Variants in RMDN2 observed in about 807,000 individuals in gnomAD.
The protein encoded by RMDN2 is regulator of microtubule dynamics 2.
RMDN2 carries 61 observed loss-of-function variants against 52.8 expected under a neutral mutation model. The observed-to-expected ratio is 1.16, with a 90% CI of 0.94 to 1.43. RMDN2 has a LOEUF of 1.43. Ranked by LOEUF, RMDN2 falls within the 40% of genes most tolerant of loss-of-function variation. The pLI, the probability that RMDN2 is intolerant of heterozygous loss-of-function variation, is 0.00. For synonymous variants in RMDN2, 180 were observed against 153.1 expected (o/e 1.18, Z -1.30); for missense variants, 592 against 475.3 (o/e 1.25, Z -2.28).
At chr2:38,009,378 GTC>G (rs1558546573) in intron 10 of RMDN2, among the ~76,000 whole-genome samples, 1 of 152,134 alleles carries the variant, frequency 6.6e-6, no homozygotes, top group Admixed American at 6.5e-5. Flanking sequence ...TTTTCACATA[GTC>G]CCACATTTCT....
rs149870475 is a variant in RMDN2 at position 38,024,167 on chromosome 2, A to G, written c.1713+19951A>G. Among the ~76,000 whole-genome samples the G allele has an allele frequency of 6.9e-3, 1,055 of 152,250 alleles. 8 individuals are homozygous for G. The highest frequency in any genetic ancestry group is 0.024 in the African/African-American group (1,001 of 41,552). The stretch of plus-strand genomic sequence containing the variant: ...GTATTTTATAACAGAAATATACCAT[A>G]GTTTGCTTCTCCACTCATCTATTGA... On this transcript the variant is annotated intron_variant, in intron 10 of 10. Coordinates refer to the RMDN2 transcript ENST00000234195.
intron 10 of RMDN2, among the ~76,000 whole-genome samples, chr2:38,013,786 C>G (rs1678337827): frequency 6.6e-6 from 1 of 152,174 alleles, no homozygotes; most frequent in Non-Finnish European, 1.5e-5. Flanking sequence ...TGTCAAAATC[C>G]TGTAATGTTG....
intron 2 of RMDN2, among the ~76,000 whole-genome samples, chr2:37,960,396 T>C (rs1353664225): frequency 1.3e-5 from 2 of 152,190 alleles, no homozygotes; most frequent in Non-Finnish European, 2.9e-5. Flanking sequence ...CTTACCATTA[T>C]GTAATTACCT....
At chr2:37,931,681 A>G (rs1034779311) in intron 2 of RMDN2, among the ~76,000 whole-genome samples, 3 of 152,262 alleles carry the variant, frequency 2.0e-5, no homozygotes, top group African/African-American at 7.2e-5. Flanking sequence ...TAAAAAGAAG[A>G]TAATTATGGG....
chr2:37,976,182 T>C (rs1374812071), intron 4 of RMDN2: 2 of 152,244 alleles, frequency 1.3e-5, no homozygotes, highest in Non-Finnish European at 2.9e-5. Flanking sequence ...TGGTTCATTA[T>C]TCTGACATCT....
chr2:38,004,159 C>T lies in RMDN2; in HGVS notation c.1122C>T (p.Asn374=), dbSNP rs756493731. Residue 374 remains asparagine (N), a synonymous_variant, in exon 10 of 11, where the codon AAC becomes AAT. Transcript: ENST00000354545. ...LAKCYTDLEE[N]QNALKFCNLA... ...AGTGTTATACTGATCTTGAGGAAAA[C>T]CAGAATGCTTTGAAGTTCTGTAATT... 1.9e-6 allele frequency: 3 copies of T among 1,613,742 alleles called. No individual in the cohort carries two copies. In the East Asian group the frequency reaches 6.7e-5, roughly 36 times the overall value.
chr2:37,955,598 G>C (rs566517681), intron 2 of RMDN2, among the ~76,000 whole-genome samples: 3 of 152,028 alleles, frequency 2.0e-5, no homozygotes, highest in East Asian at 3.9e-4. Flanking sequence ...CATGGGGGCC[G>C]ATCTTTCCTG....
rs1572981317 is a variant in RMDN2, at chr2:37,992,939, A to G, written c.945+1642A>G. ...TTTTTTTCTTTTCTTTTCTTTGACC[A>G]AGTCTCGCTCTGGCACCCAGGCTGG... On this transcript the variant is annotated intron_variant, in intron 7 of 10. Transcript: ENST00000354545. Among the ~76,000 whole-genome samples, 2 of 151,824 alleles carry G rather than the reference A, an allele frequency of 1.3e-5. 1 individual carries two copies. Among genetic ancestry groups the G allele is most frequent in the South Asian group, 4.2e-4 (2 of 4,814 alleles).
chr2:37,947,023 A>T (rs1028372966), intron 2 of RMDN2, among the ~76,000 whole-genome samples: 4 of 152,238 alleles, frequency 2.6e-5, no homozygotes, highest in South Asian at 2.1e-4. Context: ...ACTGCTGTCT[A>T]GTGAATTTAT....
chr2:38,061,748 G>A (rs1309915698), intron 10 of RMDN2, among the ~76,000 whole-genome samples: 1 of 152,094 alleles, frequency 6.6e-6, no homozygotes, highest in South Asian at 2.1e-4. Context: ...CAGGGCCTGG[G>A]TGCCTTGTTC....
At chr2:37,981,018 A>G (rs1347795674) in intron 4 of RMDN2, among the ~76,000 whole-genome samples, 1 of 152,202 alleles carries the variant, frequency 6.6e-6, no homozygotes, top group Non-Finnish European at 1.5e-5. Flanking sequence ...GCACTTGGTT[A>G]AGTTGCTTAG....
At chr2:38,048,296 C>G (rs971579443) in intron 10 of RMDN2, among the ~76,000 whole-genome samples, 39 of 152,208 alleles carry the variant, frequency 2.6e-4, no homozygotes, top group African/African-American at 8.9e-4. Flanking sequence ...TGTGCTAAAA[C>G]ATAAATCAAT....
intron 10 of RMDN2, among the ~76,000 whole-genome samples, chr2:38,004,888 C>CGGGA (rs1456394873): frequency 6.6e-6 from 1 of 151,866 alleles, no homozygotes; most frequent in African/African-American, 2.4e-5. Context: ...GTGATGTTCC[C>CGGGA]GTTCCTGCGT....
chr2:37,982,611 T>A (rs747957899), intron 5 of RMDN2, among the ~76,000 whole-genome samples: 5 of 152,182 alleles, frequency 3.3e-5, no homozygotes, highest in Non-Finnish European at 7.3e-5. Context: ...TTTCTTAGTG[T>A]GTCGCGGATG....
chr2:38,004,037 T>TAATGAAGGTAATGA lies in RMDN2; in HGVS notation c.1092_1093insATGAAGGTAATGAA (p.Ala365MetfsTer19). Reference sequence around the variant, plus strand: ...TATTCTAATCCCAATTACATGTACTTAGCAAAGGTAATGAAGACCACTGTT... The same window carrying TAATGAAGGTAATGA: ...TATTCTAATCCCAATTACATGTACTTAATGAAGGTAATGAAGCAAAGGTAATGAAGACCACTGTT... On this transcript the variant is annotated frameshift_variant, in exon 9 of 11. Coordinates refer to ENST00000354545, the MANE Select transcript of RMDN2 (RefSeq NM_001170791.3). LOFTEE classifies it high-confidence loss of function. 1 of 1,612,854 alleles carries TAATGAAGGTAATGA rather than the reference T, an allele frequency of 6.2e-7. No individual in the cohort carries two copies. The highest frequency in any genetic ancestry group is 1.1e-5 in the South Asian group (1 of 91,058).
At chr2:38,054,193 G>C (rs192795535) in intron 10 of RMDN2, among the ~76,000 whole-genome samples, 1 of 151,962 alleles carries the variant, frequency 6.6e-6, no homozygotes. Context: ...TGTTTTATGC[G>C]TATTATTCCC....
intron 5 of RMDN2, among the ~76,000 whole-genome samples, chr2:37,984,371 A>G (rs915945461): frequency 1.3e-5 from 2 of 152,202 alleles, no homozygotes; most frequent in East Asian, 3.8e-4. Context: ...GTTGTGCTCT[A>G]CCCTTTGCAA....
At chr2:38,023,502 T>C (rs1164603268) in intron 10 of RMDN2, among the ~76,000 whole-genome samples, 1 of 152,236 alleles carries the variant, frequency 6.6e-6, no homozygotes, top group Non-Finnish European at 1.5e-5. Flanking sequence ...ATTTTTTTCA[T>C]ATGCCCGCCT....
chr2:37,987,424 A>T (rs1265333204), intron 5 of RMDN2, among the ~76,000 whole-genome samples: 10 of 152,212 alleles, frequency 6.6e-5, no homozygotes, highest in Admixed American at 6.5e-4. Context: ...TTACTAAGTA[A>T]AAGAAGGCAA....
Sources: allele counts gnomAD v4.1 joint callset (sites outside exome capture counted in the v4.1 genomes callset), GRCh38; gene constraint gnomAD v4.1.1; transcripts MANE v1.5; gene names NCBI Gene and HGNC (gene_info 2026-07-23, HGNC 2026-07-21).